The following TRIM37 variants were observed in gnomAD, a reference collection of about 807,000 sequenced individuals.
TRIM37 encodes the protein tripartite motif containing 37, also known as E3 ubiquitin-protein ligase TRIM37.
Under a neutral mutation model 129.8 loss-of-function variants are expected in TRIM37, and 80 were observed. The observed-to-expected ratio is 0.62, with a 90% CI of 0.51 to 0.74. TRIM37 has a LOEUF of 0.74. Ranked by LOEUF, TRIM37 falls within the 30% of genes least tolerant of loss-of-function variation. The pLI, the probability that TRIM37 is intolerant of heterozygous loss-of-function variation, is 0.00. For missense variants in TRIM37, 1,054 were observed against 1,176.5 expected, an observed-to-expected ratio of 0.90 and a Z score of 1.52; for synonymous variants, 389 against 387.1, an observed-to-expected ratio of 1.00 and a Z score of -0.06.
Position 59,049,096 on chromosome 17 carries a change from T to C in TRIM37, c.1530+82A>G, listed in dbSNP as rs1294067562. ...GGACAATATTTTTAGCCTACTGTTT[T>C]AGCACATAATATGTTAAAAGCCATG... On this transcript the variant is annotated intron_variant, in intron 15 of 23. Transcript: ENST00000262294. The C allele has an allele frequency of 7.2e-6, 8 of 1,107,804 alleles. No homozygotes were observed. In the East Asian group the frequency reaches 1.7e-4, roughly 23 times the overall value. The allele number at this position is 1,107,804 out of a possible 1,614,324, so 68.6% of individuals were successfully genotyped here.
intron 11 of TRIM37, among the ~76,000 whole-genome samples, chr17:59,062,003 T>C (rs563429303): frequency 1.3e-5 from 2 of 152,028 alleles, no homozygotes; most frequent in South Asian, 4.2e-4. Flanking sequence ...TATATTATTG[T>C]GTAATGCCAT....
downstream of TRIM37, among the ~76,000 whole-genome samples, chr17:58,996,189 C>A (rs1015846617): frequency 2.0e-5 from 3 of 151,686 alleles, no homozygotes; most frequent in Admixed American, 6.6e-5. Flanking sequence ...AACATCAGGG[C>A]TGGGCGGGCA....
chr17:59,060,739 T>C (rs988743408), intron 12 of TRIM37, among the ~76,000 whole-genome samples: 3 of 152,170 alleles, frequency 2.0e-5, no homozygotes, highest in Non-Finnish European at 2.9e-5. Flanking sequence ...CATACATGTA[T>C]TTCAATCAAA....
intron 20 of TRIM37, among the ~76,000 whole-genome samples, chr17:59,016,652 C>T (rs1380603742): frequency 7.8e-6 from 1 of 127,512 alleles, no homozygotes. Flanking sequence ...CTGCATGTGT[C>T]TGTGTCTGTG....
At chr17:59,009,444 T>TC (rs1491506092) in intron 22 of TRIM37, among the ~76,000 whole-genome samples, 2 of 102,932 alleles carry the variant, frequency 1.9e-5, no homozygotes, top group South Asian at 7.3e-4. Context: ...ATTTCTTTTC[T>TC]TTTTTTTTTT....
At chr17:58,973,676 GGCGCAGTGGGTCAC>G in the TRIM37 span, among the ~76,000 whole-genome samples, 1 of 151,858 alleles carries the variant, frequency 6.6e-6, no homozygotes. Context: ...ACAAAGGCCG[GGCGCAGTGGGTCAC>G]GCCTGTATTC....
intron 8 of TRIM37, chr17:59,073,033 A>T (rs901001538): frequency 6.6e-6 from 1 of 152,332 alleles, no homozygotes; most frequent in Admixed American, 6.5e-5. Flanking sequence ...ATCACTGTGT[A>T]TATGTACATA....
At chr17:58,967,835 C>G in the TRIM37 span, among the ~76,000 whole-genome samples, 3 of 149,502 alleles carry the variant, frequency 2.0e-5, no homozygotes, top group Non-Finnish European at 4.4e-5. Context: ...GAGTCTCGCT[C>G]GCTCTGTCTC....
intron 12 of TRIM37, among the ~76,000 whole-genome samples, chr17:59,058,959 T>C (rs2146424470): frequency 6.6e-6 from 1 of 152,332 alleles, no homozygotes; most frequent in East Asian, 1.9e-4. Flanking sequence ...ACAAAGAAGA[T>C]AGCCTATAAA....
intron 24 of TRIM37, chr17:58,983,210 C>G (rs543009131): frequency 3.3e-6 from 1 of 307,190 alleles, no homozygotes; most frequent in Non-Finnish European, 6.0e-6. Context: ...ATGCCATTAG[C>G]TCTCTACAAA....
At chr17:58,997,862 G>A (rs1345730771), downstream of TRIM37, among the ~76,000 whole-genome samples, 1 of 152,128 alleles carries the variant, frequency 6.6e-6, no homozygotes, top group East Asian at 1.9e-4. Context: ...TAGCATAGCA[G>A]ACTACATCAA....
At chr17:59,070,679 C>T in intron 9 of TRIM37, 144 bp downstream of exon 9, 2 of 911,392 alleles carry the variant, frequency 2.2e-6, no homozygotes, top group Non-Finnish European at 3.2e-6. Context: ...GAGTTTGAGA[C>T]CAGCCTGGGC....
chr17:59,008,165 C>T (rs2034787703), intron 22 of TRIM37, among the ~76,000 whole-genome samples: 1 of 152,064 alleles, frequency 6.6e-6, no homozygotes, highest in Non-Finnish European at 1.5e-5. Context: ...TCAGCCTCAT[C>T]AGTTAGTCTC....
chr17:59,044,021 G>A (rs2039517513), intron 16 of TRIM37, among the ~76,000 whole-genome samples: 1 of 152,192 alleles, frequency 6.6e-6, no homozygotes, highest in Non-Finnish European at 1.5e-5. Flanking sequence ...AAGCCCTGGT[G>A]TGGTGGTTCA....
intron 24 of TRIM37, among the ~76,000 whole-genome samples, chr17:58,988,354 C>T (rs1052087680): frequency 6.6e-6 from 1 of 152,108 alleles, no homozygotes; most frequent in Non-Finnish European, 1.5e-5. Context: ...GGTAAAGGAA[C>T]TTACCATACC....
At chr17:59,024,565 T>C (rs1399611196) in intron 19 of TRIM37, among the ~76,000 whole-genome samples, 2 of 152,226 alleles carry the variant, frequency 1.3e-5, no homozygotes, top group African/African-American at 4.8e-5. Context: ...AGAGAGACTG[T>C]TGCCCAGATT....
intron 12 of TRIM37, among the ~76,000 whole-genome samples, chr17:59,058,135 TTATTGTG>T (rs1453966777): frequency 2.0e-5 from 3 of 152,170 alleles, no homozygotes; most frequent in Non-Finnish European, 4.4e-5. Context: ...AGAAAGCAAA[TTATTGTG>T]TATTCAGAAA....
the TRIM37 span, chr17:58,969,521 CTG>C: frequency 7.4e-6 from 12 of 1,613,506 alleles, no homozygotes; most frequent in African/African-American, 1.3e-4. Flanking sequence ...CATAACTGTT[CTG>C]TGTTTCTGTT....
chr17:59,028,248 T>C (rs939999152), intron 19 of TRIM37, among the ~76,000 whole-genome samples, 167 bp downstream of exon 19: 1 of 152,222 alleles, frequency 6.6e-6, no homozygotes, highest in East Asian at 1.9e-4. Context: ...TTCTATTATA[T>C]AGTAAAAATA....
Sources: gnomAD v4.1 joint callset for allele counts (sites outside exome capture counted in the v4.1 genomes callset) on GRCh38, gnomAD v4.1.1 for gene constraint, MANE v1.5 for transcripts, NCBI Gene and HGNC (gene_info 2026-07-23, HGNC 2026-07-21) for gene names.